Variants in SPECC1L observed in about 807,000 individuals in gnomAD.
The protein encoded by SPECC1L is cytospin-A.
In SPECC1L, 40 loss-of-function variants were observed where a neutral mutation model predicts 116.8. The ratio of observed to expected loss-of-function variants is 0.34; its 90% CI spans 0.27 to 0.45. SPECC1L has a LOEUF of 0.45. SPECC1L is among the 20% of genes least tolerant of loss of function. The pLI, the probability that SPECC1L is intolerant of heterozygous loss-of-function variation, is 1.00. For missense variants in SPECC1L, 1,110 were observed against 1,373.6 expected (o/e 0.81, Z 3.03); for synonymous variants, 504 against 500.6 (o/e 1.01, Z -0.09).
At chr22:24,354,631 C>G (rs7289958) in intron 11 of SPECC1L, among the ~76,000 whole-genome samples, 6,338 of 151,904 alleles carry the variant, frequency 0.042, 442 homozygotes, top group African/African-American at 0.14. Context: ...CCTGCACCAG[C>G]CCTGGAGTCA....
intron 5 of SPECC1L, 22 bp from the exon 6 acceptor site, chr22:24,324,198 C>T: frequency 6.2e-7 from 1 of 1,600,320 alleles, no homozygotes; most frequent in Non-Finnish European, 8.6e-7. Context: ...TTTTCTAAAT[C>T]TGCATCGTCA....
At chr22:24,306,493 G>C (rs1488295634) in intron 3 of SPECC1L, among the ~76,000 whole-genome samples, 1 of 152,040 alleles carries the variant, frequency 6.6e-6, no homozygotes, top group Non-Finnish European at 1.5e-5. Context: ...CGGTCTTCAG[G>C]CTTCAGCCTC....
intron 14 of SPECC1L, among the ~76,000 whole-genome samples, chr22:24,393,658 T>G (rs1569446699): frequency 6.6e-6 from 1 of 152,198 alleles, no homozygotes; most frequent in Admixed American, 6.5e-5. Flanking sequence ...TCCTTTTTTT[T>G]AATAGTTGCA....
At chr22:24,313,605 A>G in intron 4 of SPECC1L, 139 bp downstream of exon 4, 3 of 953,100 alleles carry the variant, frequency 3.1e-6, no homozygotes, top group South Asian at 2.9e-5. Flanking sequence ...TCAGCCCAAT[A>G]CGCTCATCAC....
At chr22:24,401,755 G>A (rs538900757) in intron 14 of SPECC1L, among the ~76,000 whole-genome samples, 3 of 152,290 alleles carry the variant, frequency 2.0e-5, no homozygotes, top group African/African-American at 7.2e-5. Flanking sequence ...CAAATGGTGA[G>A]CCTTCCTGTT....
intron 11 of SPECC1L, among the ~76,000 whole-genome samples, chr22:24,350,986 G>C (rs1377540860): frequency 6.6e-6 from 1 of 152,200 alleles, no homozygotes; most frequent in East Asian, 1.9e-4. Flanking sequence ...CCATGTTCCA[G>C]GTGGCCTCTG....
chr22:24,384,162 A>G (rs1229849563), intron 14 of SPECC1L, among the ~76,000 whole-genome samples: 1 of 152,118 alleles, frequency 6.6e-6, no homozygotes, highest in Non-Finnish European at 1.5e-5. Flanking sequence ...GACACATACA[A>G]TTGGGTTATA....
chr22:24,281,013 C>G (rs1411436847), intron 2 of SPECC1L, among the ~76,000 whole-genome samples: 2 of 152,066 alleles, frequency 1.3e-5, no homozygotes, highest in African/African-American at 4.8e-5. Context: ...ACCCCTGTTA[C>G]AGAGGAACAG....
chr22:24,387,008 C>T (rs2042173351), intron 14 of SPECC1L, among the ~76,000 whole-genome samples: 1 of 152,118 alleles, frequency 6.6e-6, no homozygotes, highest in South Asian at 2.1e-4. Context: ...AAGCTGATAA[C>T]ACCAAGTGTT....
intron 12 of SPECC1L, among the ~76,000 whole-genome samples, 169 bp from the exon 13 acceptor site, chr22:24,365,307 C>A (rs1273474369): frequency 6.6e-6 from 1 of 152,046 alleles, no homozygotes; most frequent in Non-Finnish European, 1.5e-5. Context: ...TGCACCTGGC[C>A]TCACAGTTTT....
At chr22:24,404,533 C>T (rs1249068004) in intron 14 of SPECC1L, among the ~76,000 whole-genome samples, 1 of 152,222 alleles carries the variant, frequency 6.6e-6, no homozygotes, top group Non-Finnish European at 1.5e-5. Flanking sequence ...TCTCCCTCCT[C>T]ATAGCCAGTC....
At chr22:24,331,176 G>A (rs1029466517) in intron 8 of SPECC1L, among the ~76,000 whole-genome samples, 1 of 152,176 alleles carries the variant, frequency 6.6e-6, no homozygotes, top group Non-Finnish European at 1.5e-5. Context: ...TCTAAGAGTA[G>A]GGGATAGTAT....
intron 6 of SPECC1L, among the ~76,000 whole-genome samples, chr22:24,324,913 G>A (rs2146488627): frequency 6.6e-6 from 1 of 152,234 alleles, no homozygotes; most frequent in Non-Finnish European, 1.5e-5. Flanking sequence ...GGCAATATCA[G>A]CATGATTGAT....
At chr22:24,356,037 T>A (rs1396369197) in intron 11 of SPECC1L, among the ~76,000 whole-genome samples, 1 of 152,170 alleles carries the variant, frequency 6.6e-6, no homozygotes, top group Non-Finnish European at 1.5e-5. Context: ...ATGTTTTTCA[T>A]CCCTACAGTT....
At chr22:24,372,788 GAGAA>G (rs1159372555) in intron 14 of SPECC1L, among the ~76,000 whole-genome samples, 1 of 151,698 alleles carries the variant, frequency 6.6e-6, no homozygotes, top group Non-Finnish European at 1.5e-5. Flanking sequence ...AGTCAGGCAG[GAGAA>G]AGAAATAAAG....
At chr22:24,365,405 GA>G (rs541832839) in intron 12 of SPECC1L, 70 bp from the exon 13 acceptor site, 16,229 of 1,382,050 alleles carry the variant, frequency 0.012, 92 homozygotes, top group Non-Finnish European at 0.014. Context: ...GGAATCTTCA[GA>G]AAAAAAAAAT....
intron 2 of SPECC1L, among the ~76,000 whole-genome samples, chr22:24,290,841 G>A (rs1415964542): frequency 1.3e-5 from 2 of 152,142 alleles, no homozygotes; most frequent in Non-Finnish European, 2.9e-5. Flanking sequence ...GAAGAATATA[G>A]GATCAATCCA....
intron 12 of SPECC1L, among the ~76,000 whole-genome samples, chr22:24,364,999 T>C (rs1401125507): frequency 6.6e-6 from 1 of 152,114 alleles, no homozygotes; most frequent in Non-Finnish European, 1.5e-5. Flanking sequence ...TTCACAGTTT[T>C]TTTGTTTGTT....
intron 6 of SPECC1L, among the ~76,000 whole-genome samples, chr22:24,328,526 C>T (rs1354967291): frequency 1.3e-5 from 2 of 152,074 alleles, no homozygotes; most frequent in Admixed American, 1.3e-4. Flanking sequence ...ATATTGTAGT[C>T]ACAGTCAATA....
Sources: allele counts gnomAD v4.1 joint callset (sites outside exome capture counted in the v4.1 genomes callset), GRCh38; gene constraint gnomAD v4.1.1; transcripts MANE v1.5; gene names NCBI Gene and HGNC (gene_info 2026-07-23, HGNC 2026-07-21).